The following FRMD8 variants were observed in gnomAD, a reference collection of about 807,000 sequenced individuals.
FRMD8 encodes the protein FERM domain containing 8.
A neutral mutation model predicts 54.2 loss-of-function variants in FRMD8; 37 were observed. The ratio of observed to expected loss-of-function variants is 0.68; its 90% CI spans 0.53 to 0.90. The LOEUF (loss-of-function observed/expected upper bound fraction) is 0.90. Among genes scored for constraint, FRMD8 ranks in the 40% least tolerant of loss-of-function variants. The pLI is 0.00. For synonymous variants in FRMD8, 246 were observed against 286.9 expected (o/e 0.86, Z 1.44); for missense variants, 585 against 653.7 (o/e 0.89, Z 1.15).
chr11:65,411,576 C>G lies in FRMD8; in HGVS notation c.*216C>G, dbSNP rs1856335194. Reference sequence around the variant, plus strand: ...GGCCTCCTGTAGGGCTCCTCTGCAGCCTGCCCTCCCTTCCCCCGGATGCTG... The same window carrying G: ...GGCCTCCTGTAGGGCTCCTCTGCAGGCTGCCCTCCCTTCCCCCGGATGCTG... On this transcript the variant is annotated 3_prime_UTR_variant, in exon 11 of 11. Coordinates refer to ENST00000317568, the MANE Select transcript of FRMD8 (RefSeq NM_031904.5). 2.2e-6 allele frequency: 1 copy of G among 454,580 alleles called. No homozygotes were observed. The highest frequency in any genetic ancestry group is 3.9e-6 in the Non-Finnish European group (1 of 253,996). The allele number at this position is 454,580 out of a possible 1,614,324, so 28.2% of individuals were successfully genotyped here.
At chr11:65,411,189 C>G in intron 10 of FRMD8, 53 bp from the exon 11 acceptor site, 1 of 1,446,848 alleles carries the variant, frequency 6.9e-7, no homozygotes, top group South Asian at 1.3e-5. Flanking sequence ...GGCCTGAGCC[C>G]CCTCACACAG....
chr11:65,411,159 A>G, intron 10 of FRMD8, 83 bp from the exon 11 acceptor site: 1 of 1,168,336 alleles, frequency 8.6e-7, no homozygotes. Context: ...GTCGCGCTGG[A>G]GCCAGAACCT....
At position 65,400,552 on chromosome 11, in the gene FRMD8, C is replaced by T. The variant is rs528668443; in HGVS notation, c.928-172C>T. The stretch of plus-strand genomic sequence containing the variant: ...GGATCTCAGCTTCCCTGGACCACAG[C>T]CCCTGGCAGGCTCTGATGAAAGCTG... On this transcript the variant is annotated intron_variant, in intron 8 of 10. Transcript: ENST00000317568. The surrounding 1 kb of genome is among the most constrained non-coding windows in gnomAD (Gnocchi z 4.3). 2.6e-5 allele frequency among the ~76,000 whole-genome samples: 4 copies of T among 152,316 alleles called. No individual in the cohort carries two copies. In the South Asian group the frequency reaches 8.3e-4, roughly 32 times the overall value.
Position 65,400,261 on chromosome 11 carries a change from G to A in FRMD8, c.927+402G>A, listed in dbSNP as rs1856044953. Among the ~76,000 whole-genome samples the A allele has an allele frequency of 6.6e-6, 1 of 152,216 alleles. No homozygotes were observed. The highest frequency in any genetic ancestry group is 2.1e-4 in the South Asian group (1 of 4,836). ...GGGTAGAGAGCCGCGTCAGCAGCCAGCCCTGTGGGGCAGATTACCTGTCCC... is the reference window on the plus strand; with the variant it reads ...GGGTAGAGAGCCGCGTCAGCAGCCAACCCTGTGGGGCAGATTACCTGTCCC... On this transcript the variant is annotated intron_variant, in intron 8 of 10. Coordinates refer to ENST00000317568, the MANE Select transcript of FRMD8 (RefSeq NM_031904.5). This position sits in a 1 kb window ranked among gnomAD's most constrained non-coding sequence, Gnocchi z 4.3.
At chr11:65,396,479 A>T (rs939206138) in intron 6 of FRMD8, among the ~76,000 whole-genome samples, 6 of 151,858 alleles carry the variant, frequency 4.0e-5, no homozygotes, top group African/African-American at 1.2e-4. Context: ...GGGGGAGCTC[A>T]CCTGGGACAG....
Position 65,400,648 on chromosome 11 carries a change from G to A in FRMD8, c.928-76G>A. On this transcript the variant is annotated intron_variant, in intron 8 of 10. Transcript: ENST00000317568. This position sits in a 1 kb window ranked among gnomAD's most constrained non-coding sequence, Gnocchi z 4.3. ...TTGGAGAGGCACACACCCTGGCCAG[G>A]TGTCTGAGTGGGATGGGGTGGGGAG... 7.1e-7 allele frequency: 1 copy of A among 1,413,010 alleles called. No homozygotes were observed. The highest frequency in any genetic ancestry group is 2.4e-4 in the Middle Eastern group (1 of 4,144). 87.5% of individuals were successfully genotyped at this position (1,413,010 alleles called of 1,614,324 possible).
chr11:65,388,963 T>C (rs1031138525), intron 2 of FRMD8, among the ~76,000 whole-genome samples: 10 of 152,206 alleles, frequency 6.6e-5, no homozygotes, highest in Admixed American at 6.5e-4. Flanking sequence ...CTCTCTGTGC[T>C]GTAGTTTCAC....
chr11:65,371,701 G>A, the FRMD8 span, among the ~76,000 whole-genome samples: 2 of 152,110 alleles, frequency 1.3e-5, no homozygotes, highest in South Asian at 2.1e-4. Context: ...TGCAACCTCC[G>A]CCTCTCTGGT....
chr11:65,376,556 G>C, the FRMD8 span: 1 of 1,614,150 alleles, frequency 6.2e-7, no homozygotes, highest in South Asian at 1.1e-5. Context: ...AGCATCCCCT[G>C]GTACACTCTG....
At chr11:65,373,407 G>A in the FRMD8 span, among the ~76,000 whole-genome samples, 154 of 152,270 alleles carry the variant, frequency 1.0e-3, 3 homozygotes, top group African/African-American at 3.4e-3. Flanking sequence ...TTCTCAGCCC[G>A]AAAGGGCAGC....
the FRMD8 span, chr11:65,380,626 C>T: frequency 3.1e-6 from 4 of 1,291,808 alleles, no homozygotes; most frequent in Admixed American, 6.9e-5. Flanking sequence ...CGCAGAACTG[C>T]AGGGCCCTGA....
the FRMD8 span, among the ~76,000 whole-genome samples, chr11:65,370,428 G>T: frequency 6.8e-6 from 1 of 146,600 alleles, no homozygotes; most frequent in South Asian, 2.1e-4. Flanking sequence ...TGGGCCAGGC[G>T]CGGTGGCTCA....
Position 65,389,528 on chromosome 11 carries a change from G to C in FRMD8, c.253G>C (p.Glu85Gln). 1 of 1,572,790 alleles carries C rather than the reference G, an allele frequency of 6.4e-7. No homozygotes were observed. Among genetic ancestry groups the C allele is most frequent in the East Asian group, 2.3e-5 (1 of 42,746 alleles). Residue 85 changes from glutamate to glutamine, a missense_variant and splice_region_variant, in exon 3 of 11, where the codon GAG (glutamate) becomes CAG (glutamine). By Grantham distance (29) the Glu-to-Gln change is conservative (BLOSUM62 2). Transcript: ENST00000317568. The part of the protein sequence containing the change: ...FALWLVSPLL[E>Q]VQLKPKHQPY... The stretch of plus-strand genomic sequence containing the variant: ...GCTCTGGCTGGTCTCCCCTCTGCTG[G>C]GTAAGGCTTGGCAGTGAGGAGCCCA...
intron 2 of FRMD8, 49 bp downstream of exon 2, chr11:65,387,170 C>T (rs1477765724): frequency 1.4e-6 from 2 of 1,435,418 alleles, no homozygotes; most frequent in African/African-American, 2.8e-5. Flanking sequence ...GGACCCCAGC[C>T]CTGGAGAAGT....
chr11:65,370,675 G>C, the FRMD8 span, among the ~76,000 whole-genome samples: 1 of 152,016 alleles, frequency 6.6e-6, no homozygotes, highest in Non-Finnish European at 1.5e-5. Flanking sequence ...ACTCCAGCCT[G>C]GGCGATAGAG....
intron 10 of FRMD8, among the ~76,000 whole-genome samples, chr11:65,406,052 G>C (rs1375111233): frequency 6.6e-6 from 1 of 151,684 alleles, no homozygotes; most frequent in Non-Finnish European, 1.5e-5. Flanking sequence ...TTTTGAGACG[G>C]AGTCTCACTC....
intron 3 of FRMD8, 37 bp from the exon 4 acceptor site, chr11:65,393,535 CG>C (rs1565599995): frequency 6.6e-7 from 1 of 1,522,848 alleles, no homozygotes; most frequent in African/African-American, 1.4e-5. Flanking sequence ...CTGGACTGGC[CG>C]GAGGCTGCAT....
intron 3 of FRMD8, among the ~76,000 whole-genome samples, chr11:65,390,824 G>A (rs1376373395): frequency 1.3e-5 from 2 of 152,186 alleles, no homozygotes; most frequent in Non-Finnish European, 2.9e-5. Context: ...CACCTCCTCC[G>A]TCTCCACTCC....
intron 1 of FRMD8, 26 bp from the exon 2 acceptor site, chr11:65,387,011 A>G (rs769221214): frequency 1.3e-6 from 2 of 1,595,192 alleles, no homozygotes; most frequent in African/African-American, 1.3e-5. Flanking sequence ...GCTCCCGGTA[A>G]CTGCTGTTTC....
Sources: gnomAD v4.1 joint callset for allele counts (sites outside exome capture counted in the v4.1 genomes callset) on GRCh38, gnomAD v4.1.1 for gene constraint, Gnocchi (gnomAD v3.1) non-coding constraint, MANE v1.5 for transcripts, NCBI Gene and HGNC (gene_info 2026-07-23, HGNC 2026-07-21) for gene names.